The following MDFIC2 variants were observed in gnomAD, a reference collection of about 807,000 sequenced individuals.
MDFIC2 encodes MyoD family inhibitor domain containing 2, also known as myoD family inhibitor domain-containing protein 2.
intron 2 of MDFIC2, among the ~76,000 whole-genome samples, chr3:70,214,510 G>A (rs1003926768): frequency 1.3e-5 from 2 of 151,778 alleles, no homozygotes; most frequent in East Asian, 3.9e-4. Flanking sequence ...GGATTAAAGA[G>A]TACAAAAGAA....
intron 2 of MDFIC2, among the ~76,000 whole-genome samples, chr3:70,235,618 T>G (rs1407186447): frequency 6.6e-6 from 1 of 152,218 alleles, no homozygotes; most frequent in Non-Finnish European, 1.5e-5. Flanking sequence ...ATCCTGGTTT[T>G]TCTCCTCTTT....
At chr3:70,206,900 A>C in intron 2 of MDFIC2, 110 bp from the exon 3 acceptor site, 1 of 395,238 alleles carries the variant, frequency 2.5e-6, no homozygotes, top group Non-Finnish European at 4.5e-6. Context: ...TTAAAGTCTT[A>C]AGAAAACAAA....
chr3:70,279,083 G>A (rs1015012523), intron 2 of MDFIC2, among the ~76,000 whole-genome samples: 9 of 149,146 alleles, frequency 6.0e-5, no homozygotes, highest in African/African-American at 2.0e-4. Flanking sequence ...ATTTGCCCAA[G>A]CCTGACTTCC....
At chr3:70,218,561 G>A (rs1429633394) in intron 2 of MDFIC2, among the ~76,000 whole-genome samples, 1 of 152,116 alleles carries the variant, frequency 6.6e-6, no homozygotes, top group Non-Finnish European at 1.5e-5. Flanking sequence ...AGCAGCTGCA[G>A]TAGTGGCCTG....
chr3:70,267,373 G>A (rs1204039901), intron 2 of MDFIC2, among the ~76,000 whole-genome samples: 2 of 136,796 alleles, frequency 1.5e-5, no homozygotes, highest in African/African-American at 2.7e-5. Flanking sequence ...CTACTCTCTT[G>A]TACAGATTCT....
chr3:70,289,043 C>T (rs866922061), intron 2 of MDFIC2, among the ~76,000 whole-genome samples: 1 of 152,010 alleles, frequency 6.6e-6, no homozygotes, highest in East Asian at 1.9e-4. Context: ...TTAATTGGAG[C>T]ATTTAGCCCA....
intron 3 of MDFIC2, among the ~76,000 whole-genome samples, chr3:70,203,618 T>C (rs1239510604): frequency 6.6e-6 from 1 of 152,164 alleles, no homozygotes; most frequent in Non-Finnish European, 1.5e-5. Flanking sequence ...TTTTATAAGG[T>C]GACACTGGTG....
intron 2 of MDFIC2, among the ~76,000 whole-genome samples, chr3:70,248,072 A>G (rs1245509425): frequency 1.3e-5 from 2 of 152,208 alleles, no homozygotes; most frequent in South Asian, 2.1e-4. Flanking sequence ...ATAGGCTAAC[A>G]TTTATTGAGT....
chr3:70,257,694 C>T (rs988957195), intron 2 of MDFIC2, among the ~76,000 whole-genome samples: 2 of 152,192 alleles, frequency 1.3e-5, no homozygotes, highest in African/African-American at 4.8e-5. Flanking sequence ...ATACTTTATT[C>T]ATGCATCGGA....
chr3:70,239,023 A>C (rs1462800138), intron 2 of MDFIC2, among the ~76,000 whole-genome samples: 1 of 152,212 alleles, frequency 6.6e-6, no homozygotes, highest in Non-Finnish European at 1.5e-5. Context: ...AAGGTATGCC[A>C]AAAATGATCT....
intron 2 of MDFIC2, among the ~76,000 whole-genome samples, chr3:70,274,190 G>A (rs955281896): frequency 2.6e-5 from 4 of 151,896 alleles, no homozygotes; most frequent in Non-Finnish European, 5.9e-5. Context: ...GGTGGGGGAT[G>A]TGAGTGTTTG....
In MDFIC2 at chr3:70,250,411, TCACA is replaced by T. The variant is rs61355248; in HGVS notation, c.89-43625_89-43622del. Among the ~76,000 whole-genome samples, 558 of 124,962 alleles carry T rather than the reference TCACA, an allele frequency of 4.5e-3. 3 individuals are homozygous for T. Among genetic ancestry groups the T allele is most frequent in the African/African-American group, 0.015 (513 of 34,578 alleles). 82.0% of individuals were successfully genotyped at this position (124,962 alleles called of 152,430 possible). ...TTCGGTATTTTTCTTTTAATGAATCTCACACACACACACACACACACACACACAC... is the reference window on the plus strand; with the variant it reads ...TTCGGTATTTTTCTTTTAATGAATCTCACACACACACACACACACACACAC... On this transcript the variant is annotated intron_variant, in intron 2 of 3. Coordinates refer to ENST00000567252, the MANE Select transcript of MDFIC2 (RefSeq NM_001364677.1).
intron 2 of MDFIC2, among the ~76,000 whole-genome samples, chr3:70,281,054 C>G (rs1409392058): frequency 1.3e-5 from 2 of 152,160 alleles, no homozygotes; most frequent in African/African-American, 4.8e-5. Flanking sequence ...GCTGAAGGAT[C>G]TCATGTACAT....
At chr3:70,224,233 C>G (rs897708406) in intron 2 of MDFIC2, among the ~76,000 whole-genome samples, 1 of 152,184 alleles carries the variant, frequency 6.6e-6, no homozygotes, top group South Asian at 2.1e-4. Context: ...ATTCGAAGTC[C>G]CAGCCAAGGT....
chr3:70,287,843 C>T lies in MDFIC2; in HGVS notation c.88+24043G>A, dbSNP rs1286718877. On this transcript the variant is annotated intron_variant, in intron 2 of 3. Coordinates refer to ENST00000567252, the MANE Select transcript of MDFIC2 (RefSeq NM_001364677.1). The stretch of plus-strand genomic sequence containing the variant: ...TCTTCTAGATTTTCTAGTTTATTTG[C>T]GTAGAGGTGTTTGTAGTATTCTCTG... 5.2e-3 allele frequency among the ~76,000 whole-genome samples: 795 copies of T among 151,712 alleles called. 7 individuals are homozygous for T. The highest frequency in any genetic ancestry group is 9.3e-3 in the Non-Finnish European group (629 of 67,746).
At chr3:70,282,741 TA>T (rs1282622038) in intron 2 of MDFIC2, among the ~76,000 whole-genome samples, 1 of 152,212 alleles carries the variant, frequency 6.6e-6, no homozygotes, top group African/African-American at 2.4e-5. Flanking sequence ...TCACCAGACT[TA>T]CCACAGACTT....
chr3:70,258,464 C>A (rs889287256), intron 2 of MDFIC2, among the ~76,000 whole-genome samples: 2 of 152,004 alleles, frequency 1.3e-5, no homozygotes, highest in Non-Finnish European at 2.9e-5. Context: ...ATTGTTACAA[C>A]CTCTGGGTTC....
chr3:70,303,006 T>C (rs76337733), intron 2 of MDFIC2, among the ~76,000 whole-genome samples: 4,000 of 152,286 alleles, frequency 0.026, 76 homozygotes, highest in Non-Finnish European at 0.04. Context: ...TTTCTAAATA[T>C]AAATTAAAGT....
intron 2 of MDFIC2, among the ~76,000 whole-genome samples, chr3:70,216,846 G>A (rs1360053029): frequency 2.0e-5 from 3 of 152,048 alleles, no homozygotes; most frequent in African/African-American, 4.8e-5. Context: ...TTATGACTGG[G>A]CTAGATGCGC....
Sources: gnomAD v4.1 joint callset for allele counts (sites outside exome capture counted in the v4.1 genomes callset) on GRCh38, gnomAD v4.1.1 for gene constraint, MANE v1.5 for transcripts, NCBI Gene and HGNC (gene_info 2026-07-23, HGNC 2026-07-21) for gene names.